CADM2: variants seen among roughly 807,000 people sequenced by gnomAD.
CADM2 encodes the protein cell adhesion molecule 2.
CADM2 carries 12 observed loss-of-function variants against 49.8 expected under a neutral mutation model. The ratio of observed to expected loss-of-function variants is 0.24; its 90% CI spans 0.15 to 0.39. CADM2 has a LOEUF of 0.39. Ranked by LOEUF, CADM2 falls within the 10% of genes least tolerant of loss-of-function variation. The probability of loss-of-function intolerance (pLI) is 1.00; values close to 1 mark genes in which losing one functional copy is unlikely to be tolerated. For synonymous variants in CADM2, 214 were observed against 175.4 expected, an observed-to-expected ratio of 1.22 and a Z score of -1.74; for missense variants, 378 against 492.3, an observed-to-expected ratio of 0.77 and a Z score of 2.20.
At chr3:85,417,686 C>T (rs1025166900) in intron 1 of CADM2, among the ~76,000 whole-genome samples, 1 of 152,060 alleles carries the variant, frequency 6.6e-6, no homozygotes, top group Non-Finnish European at 1.5e-5. Flanking sequence ...CTTCAAAAAA[C>T]CTTTAAGGGT....
chr3:85,499,973 AG>A (rs2040049612), intron 1 of CADM2, among the ~76,000 whole-genome samples: 3 of 152,204 alleles, frequency 2.0e-5, no homozygotes, highest in African/African-American at 7.2e-5. Context: ...AGTGCTGCTT[AG>A]TTCTACAATT....
chr3:85,278,462 C>T (rs2043412951), intron 1 of CADM2, among the ~76,000 whole-genome samples: 1 of 151,392 alleles, frequency 6.6e-6, no homozygotes, highest in Non-Finnish European at 1.5e-5. Flanking sequence ...TAATAGGACT[C>T]ACTACTCATT....
At chr3:85,320,126 C>A (rs781360245) in intron 1 of CADM2, among the ~76,000 whole-genome samples, 5 of 152,106 alleles carry the variant, frequency 3.3e-5, no homozygotes, top group Non-Finnish European at 5.9e-5. Flanking sequence ...TGTCTGGAGA[C>A]AAGTTTTATT....
chr3:85,493,682 T>G (rs1286543782), intron 1 of CADM2, among the ~76,000 whole-genome samples: 1 of 152,120 alleles, frequency 6.6e-6, no homozygotes, highest in Non-Finnish European at 1.5e-5. Flanking sequence ...AGGCTCAGAG[T>G]TCCCTGAGGA....
chr3:85,037,016 A>C (rs1437975093), intron 1 of CADM2, among the ~76,000 whole-genome samples: 1 of 151,224 alleles, frequency 6.6e-6, no homozygotes, highest in Non-Finnish European at 1.5e-5. Flanking sequence ...AAAAAAAAAA[A>C]AAACTTAGCT....
intron 1 of CADM2, among the ~76,000 whole-genome samples, chr3:85,016,411 G>A (rs2034250426): frequency 1.3e-5 from 2 of 152,194 alleles, no homozygotes; most frequent in Non-Finnish European, 1.5e-5. Flanking sequence ...TTATGAGTTT[G>A]AATTTTGGTC....
intron 1 of CADM2, among the ~76,000 whole-genome samples, chr3:85,676,345 T>G (rs1474920221): frequency 6.6e-6 from 1 of 152,220 alleles, no homozygotes; most frequent in Non-Finnish European, 1.5e-5. Flanking sequence ...ATAAAATATC[T>G]GCCTTGCTGC....
chr3:85,511,330 C>T (rs2040607661), intron 1 of CADM2, among the ~76,000 whole-genome samples: 1 of 152,092 alleles, frequency 6.6e-6, no homozygotes, highest in African/African-American at 2.4e-5. Context: ...AGTCTTACCA[C>T]AGACCTATAC....
chr3:85,632,507 C>G (rs2064344279), intron 1 of CADM2, among the ~76,000 whole-genome samples: 1 of 152,118 alleles, frequency 6.6e-6, no homozygotes, highest in Non-Finnish European at 1.5e-5. Context: ...CTTTTGTTGG[C>G]TGAAATAAAC....
chr3:85,706,238 C>T (rs771792913), intron 1 of CADM2, among the ~76,000 whole-genome samples: 1 of 152,176 alleles, frequency 6.6e-6, no homozygotes, highest in Non-Finnish European at 1.5e-5. Flanking sequence ...AATAACCCCA[C>T]TTCAGTATTA....
intron 8 of CADM2, among the ~76,000 whole-genome samples, chr3:85,989,427 G>A (rs1413235614): frequency 6.6e-6 from 1 of 152,082 alleles, no homozygotes; most frequent in African/African-American, 2.4e-5. Context: ...CGAGGACACT[G>A]GGGGACAGGG....
chr3:85,777,174 T>A (rs2070397583), intron 2 of CADM2, among the ~76,000 whole-genome samples: 1 of 151,860 alleles, frequency 6.6e-6, no homozygotes, highest in African/African-American at 2.4e-5. Flanking sequence ...ATAAATAAAT[T>A]TTTTATGACA....
chr3:85,661,745 A>G (rs1294425036), intron 1 of CADM2, among the ~76,000 whole-genome samples: 1 of 152,066 alleles, frequency 6.6e-6, no homozygotes, highest in Admixed American at 6.6e-5. Context: ...AATGAAGAAA[A>G]TCTCAGGCAG....
At chr3:85,717,216 C>G (rs558611809) in intron 1 of CADM2, among the ~76,000 whole-genome samples, 3 of 151,408 alleles carry the variant, frequency 2.0e-5, no homozygotes, top group African/African-American at 7.2e-5. Context: ...CTTCACATCC[C>G]TTGTAAGTTG....
rs572666021 is a variant in CADM2, at chr3:85,757,494, G to A, written c.88+30946G>A. Among the ~76,000 whole-genome samples the A allele has an allele frequency of 1.4e-4, 22 of 152,178 alleles. No homozygotes were observed. In the South Asian group the frequency reaches 4.1e-3, roughly 29 times the overall value. On this transcript the variant is annotated intron_variant, in intron 2 of 9. Coordinates refer to ENST00000383699, the MANE Select transcript of CADM2 (RefSeq NM_001167675.2). The stretch of plus-strand genomic sequence containing the variant: ...ATGGATAATTTAGAGTGTGATAAAT[G>A]TTAGGTATATAGATAGTAGATGATA...
chr3:85,552,200 T>A (rs2061820972), intron 1 of CADM2, among the ~76,000 whole-genome samples: 1 of 152,230 alleles, frequency 6.6e-6, no homozygotes, highest in East Asian at 1.9e-4. Context: ...GAAGCCTAAA[T>A]ATGATAATTG....
chr3:85,167,794 A>G (rs1264993926), intron 1 of CADM2, among the ~76,000 whole-genome samples: 1 of 152,208 alleles, frequency 6.6e-6, no homozygotes, highest in Non-Finnish European at 1.5e-5. Flanking sequence ...CAAAAAGTAA[A>G]AAGTAAATCA....
intron 8 of CADM2, among the ~76,000 whole-genome samples, chr3:85,968,529 T>A (rs1330378443): frequency 1.3e-5 from 2 of 151,622 alleles, no homozygotes; most frequent in African/African-American, 4.8e-5. Context: ...CAGAATGAAA[T>A]GTACATAGGA....
At chr3:85,740,063 C>T (rs372992645) in intron 2 of CADM2, among the ~76,000 whole-genome samples, 6 of 152,248 alleles carry the variant, frequency 3.9e-5, no homozygotes, top group East Asian at 3.9e-4. Flanking sequence ...TAGTCACATG[C>T]AGTTAATGTC....
Sources: gnomAD v4.1 joint callset for allele counts (sites outside exome capture counted in the v4.1 genomes callset) on GRCh38, gnomAD v4.1.1 for gene constraint, MANE v1.5 for transcripts, NCBI Gene and HGNC (gene_info 2026-07-23, HGNC 2026-07-21) for gene names.